The following CLEC16A variants were observed in gnomAD, a reference collection of about 807,000 sequenced individuals.
The protein encoded by CLEC16A is protein CLEC16A.
A neutral mutation model predicts 109.5 loss-of-function variants in CLEC16A; 51 were observed. The observed-to-expected ratio is 0.47, with a 90% CI of 0.37 to 0.59. The LOEUF (loss-of-function observed/expected upper bound fraction) is 0.59, where lower values mean the gene tolerates loss of function less well. Ranked by LOEUF, CLEC16A falls within the 20% of genes least tolerant of loss-of-function variation. CLEC16A has a pLI of 0.00. For synonymous variants in CLEC16A, 673 were observed against 564.2 expected, an observed-to-expected ratio of 1.19 and a Z score of -2.73; for missense variants, 1,339 against 1,394.0, an observed-to-expected ratio of 0.96 and a Z score of 0.63.
intron 19 of CLEC16A, among the ~76,000 whole-genome samples, chr16:11,112,831 G>A (rs1001943540): frequency 2.0e-5 from 3 of 152,270 alleles, no homozygotes; most frequent in African/African-American, 7.2e-5. Flanking sequence ...TCCTGGGTAA[G>A]ATGGAGACAT....
At chr16:10,996,558 T>G (rs1040587905) in intron 10 of CLEC16A, among the ~76,000 whole-genome samples, 1 of 152,234 alleles carries the variant, frequency 6.6e-6, no homozygotes, top group Non-Finnish European at 1.5e-5. Context: ...AAGACTTGTA[T>G]CAGTCATTTC....
At chr16:11,133,424 A>G (rs28576899) in intron 22 of CLEC16A, among the ~76,000 whole-genome samples, 6,465 of 151,826 alleles carry the variant, frequency 0.043, 456 homozygotes, top group African/African-American at 0.15. Context: ...TATCAAAGGC[A>G]CCTAAACCGG....
intron 19 of CLEC16A, among the ~76,000 whole-genome samples, chr16:11,067,766 T>C (rs1028161724): frequency 6.6e-6 from 1 of 151,992 alleles, no homozygotes; most frequent in African/African-American, 2.4e-5. Context: ...AACTAAGAGG[T>C]GGTGTCCACA....
chr16:11,134,471 T>G (rs2053443503), intron 22 of CLEC16A, among the ~76,000 whole-genome samples: 1 of 152,142 alleles, frequency 6.6e-6, no homozygotes, highest in South Asian at 2.1e-4. Flanking sequence ...TCACATGAGA[T>G]AGGCTGAGAT....
At chr16:11,083,012 G>A (rs1346740044) in intron 19 of CLEC16A, among the ~76,000 whole-genome samples, 1 of 152,180 alleles carries the variant, frequency 6.6e-6, no homozygotes, top group Non-Finnish European at 1.5e-5. Flanking sequence ...CTGACCCCTG[G>A]AGAGCCCAGA....
intron 19 of CLEC16A, among the ~76,000 whole-genome samples, chr16:11,104,915 C>T (rs922081741): frequency 4.6e-5 from 7 of 152,154 alleles, no homozygotes; most frequent in African/African-American, 7.2e-5. Flanking sequence ...AGAGGGCTTC[C>T]GAAGACCAGG....
chr16:11,046,774 C>T (rs931575529), intron 16 of CLEC16A, among the ~76,000 whole-genome samples: 1 of 152,202 alleles, frequency 6.6e-6, no homozygotes, highest in Non-Finnish European at 1.5e-5. Context: ...CCCTCCCAGG[C>T]AGTCATGACC....
At chr16:11,094,391 G>T (rs1295360816) in intron 19 of CLEC16A, among the ~76,000 whole-genome samples, 2 of 152,204 alleles carry the variant, frequency 1.3e-5, no homozygotes, top group Non-Finnish European at 2.9e-5. Flanking sequence ...GGAAGCCAGA[G>T]CCGGCTTCAT....
chr16:11,099,183 GCCA>G (rs2050768140), intron 19 of CLEC16A, among the ~76,000 whole-genome samples: 1 of 152,218 alleles, frequency 6.6e-6, no homozygotes. Context: ...GCTGCTTCAT[GCCA>G]CCCGGGTTTG....
chr16:11,102,102 C>T (rs760484391), intron 19 of CLEC16A, among the ~76,000 whole-genome samples: 58 of 151,884 alleles, frequency 3.8e-4, no homozygotes, highest in Admixed American at 3.5e-3. Flanking sequence ...TGTGAGCCAC[C>T]GCACCTAGTT....
At chr16:11,141,576 G>A (rs543079279) in intron 22 of CLEC16A, among the ~76,000 whole-genome samples, 9 of 152,254 alleles carry the variant, frequency 5.9e-5, no homozygotes, top group Middle Eastern at 3.2e-3. Flanking sequence ...CCTCGGGGCC[G>A]CGAAGCAGGG....
At position 11,179,160 on chromosome 16, in the gene CLEC16A, A is replaced by T. The variant is rs2141060920; in HGVS notation, c.*470A>T. 6.4e-6 allele frequency: 1 copy of T among 156,790 alleles called. No homozygotes were observed. Among genetic ancestry groups the T allele is most frequent in the African/African-American group, 2.4e-5 (1 of 41,750 alleles). 9.7% of individuals were successfully genotyped at this position (156,790 alleles called of 1,614,324 possible). A position where few individuals can be genotyped will look rare whatever the true frequency, so the allele number is the denominator to read the frequency against. ...TTTCCGCTTTTGGCAGCAGGTGAAC[A>T]TTTATTTTTAAAACTTCTATTTAAA... On this transcript the variant is annotated 3_prime_UTR_variant, in exon 24 of 24. Coordinates refer to ENST00000409790, the MANE Select transcript of CLEC16A (RefSeq NM_015226.3).
chr16:11,145,260 C>G (rs867002078), intron 22 of CLEC16A, among the ~76,000 whole-genome samples: 3 of 152,322 alleles, frequency 2.0e-5, no homozygotes, highest in Middle Eastern at 3.4e-3. Flanking sequence ...GGAAAACAGT[C>G]ACTGATGGGG....
chr16:11,071,335 C>G (rs2049058319), intron 19 of CLEC16A, among the ~76,000 whole-genome samples: 2 of 152,142 alleles, frequency 1.3e-5, no homozygotes, highest in African/African-American at 4.8e-5. Context: ...CAATGAAAAA[C>G]AAATCCAGAA....
Position 11,123,915 on chromosome 16 carries a change from G to T in CLEC16A, c.2442G>T (p.Gln814His). Residue 814 changes from glutamine to histidine, a missense_variant, in exon 21 of 24, where the codon CAG (glutamine) becomes CAT (histidine). Gln to His is a conservative substitution (Grantham distance 24). Coordinates refer to ENST00000409790, the MANE Select transcript of CLEC16A (RefSeq NM_015226.3). The part of the protein sequence containing the change: ...AKQRLAKGRI[Q>H]ARRMKMQRIA... The stretch of plus-strand genomic sequence containing the variant: ...AGCGCCTGGCCAAAGGCCGCATCCA[G>T]GCAAGGCGCATGAAGATGCAGAGAA... 2 of 1,613,330 alleles carry T rather than the reference G, an allele frequency of 1.2e-6. No homozygotes were observed. Among genetic ancestry groups the T allele is most frequent in the South Asian group, 2.2e-5 (2 of 90,930 alleles).
Position 11,003,269 on chromosome 16 carries a change from G to A in CLEC16A, c.1267G>A (p.Gly423Ser). The A allele has an allele frequency of 1.9e-6, 3 of 1,612,582 alleles. No homozygotes were observed. Among genetic ancestry groups the A allele is most frequent in the Admixed American group, 1.7e-5 (1 of 60,018 alleles). Reference sequence around the variant, plus strand: ...CGAGAAGGCTAAAGGTACAGAGGGTGGTTCAAAAGGCATCAAGACGAGTGG... The same window carrying A: ...CGAGAAGGCTAAAGGTACAGAGGGTAGTTCAAAAGGCATCAAGACGAGTGG... ...DAEKAKGTEGGSKGIKTSGES... is the reference protein window; with the variant it reads ...DAEKAKGTEGSSKGIKTSGES... The change falls in exon 11 of 24, where the codon GGT becomes AGT. Residue 423 changes from glycine (G) to serine (S), a missense_variant. Gly to Ser is a moderately conservative substitution (Grantham distance 56). Transcript: ENST00000409790.
intron 2 of CLEC16A, among the ~76,000 whole-genome samples, chr16:10,959,330 A>G (rs80001954): frequency 0.018 from 2,791 of 152,334 alleles, 40 homozygotes; most frequent in Non-Finnish European, 0.027. Context: ...AAAGCAGAAC[A>G]TGCGAGTCAT....
chr16:11,001,125 C>G (rs1042758868), intron 10 of CLEC16A, among the ~76,000 whole-genome samples: 2 of 151,934 alleles, frequency 1.3e-5, no homozygotes, highest in Non-Finnish European at 2.9e-5. Flanking sequence ...TGAGACATCT[C>G]ACTCTGTCTC....
chr16:11,181,655 A>G lies in CLEC16A; in HGVS notation c.*2965A>G, dbSNP rs1487412077. The stretch of plus-strand genomic sequence containing the variant: ...CAGGCAGGAAGGGCCAGCCTTCACC[A>G]TCGCGTGGGATTGGGAGGAGGGGCC... On this transcript the variant is annotated 3_prime_UTR_variant, in exon 24 of 24. Transcript: ENST00000409790. 6.6e-6 allele frequency: 1 copy of G among 152,274 alleles called. No individual in the cohort carries two copies. The highest frequency in any genetic ancestry group is 1.5e-5 in the Non-Finnish European group (1 of 68,088). The allele number at this position is 152,274 out of a possible 1,614,324, so 9.4% of individuals were successfully genotyped here.
Sources: gnomAD v4.1 joint callset for allele counts (sites outside exome capture counted in the v4.1 genomes callset) on GRCh38, gnomAD v4.1.1 for gene constraint, MANE v1.5 for transcripts, NCBI Gene and HGNC (gene_info 2026-07-23, HGNC 2026-07-21) for gene names.